UGCG: variants seen among roughly 807,000 people sequenced by gnomAD.
UGCG encodes the protein ceramide glucosyltransferase.
Under a neutral mutation model 49.5 loss-of-function variants are expected in UGCG, and 10 were observed. The observed-to-expected ratio is 0.20, with a 90% CI of 0.12 to 0.34. The LOEUF is 0.34. Ranked by LOEUF, UGCG falls within the 10% of genes least tolerant of loss-of-function variation. The pLI, the probability that UGCG is intolerant of heterozygous loss-of-function variation, is 1.00. For missense variants in UGCG, 312 were observed against 483.7 expected (o/e 0.65, Z 3.33); for synonymous variants, 182 against 158.2 (o/e 1.15, Z -1.13).
intron 2 of UGCG, among the ~76,000 whole-genome samples, chr9:111,922,252 C>G (rs1838240691): frequency 6.6e-6 from 1 of 152,098 alleles, no homozygotes; most frequent in Admixed American, 6.6e-5. Context: ...ATTTCAAGAT[C>G]GTAAATGTCC....
intron 6 of UGCG, 71 bp downstream of exon 6, chr9:111,929,749 C>T: frequency 6.5e-7 from 1 of 1,544,288 alleles, no homozygotes; most frequent in Non-Finnish European, 8.8e-7. Flanking sequence ...TTTGTTCAAC[C>T]TATAGATTAG....
chr9:111,906,324 C>G (rs1837881690), intron 1 of UGCG, among the ~76,000 whole-genome samples: 1 of 152,212 alleles, frequency 6.6e-6, no homozygotes, highest in South Asian at 2.1e-4. Context: ...CCCTCATTCC[C>G]CCTCCAGCAA....
Position 111,933,014 on chromosome 9 carries a change from GTATA to G in UGCG, c.*20_*23del. On this transcript the variant is annotated 3_prime_UTR_variant, in exon 9 of 9. Coordinates refer to ENST00000374279, the MANE Select transcript of UGCG (RefSeq NM_003358.3). ...GATGTATAACTACAGCTTTGTGACT[GTATA>G]TAAAGGAAAAAAGAGAAGTATTATA... 6.8e-7 allele frequency: 1 copy of G among 1,471,304 alleles called. No homozygotes were observed. Among genetic ancestry groups the G allele is most frequent in the Non-Finnish European group, 9.0e-7 (1 of 1,106,796 alleles). The allele number at this position is 1,471,304 out of a possible 1,614,324, so 91.1% of individuals were successfully genotyped here.
intron 1 of UGCG, among the ~76,000 whole-genome samples, chr9:111,901,604 G>A (rs150571542): frequency 3.9e-5 from 6 of 152,168 alleles, no homozygotes; most frequent in African/African-American, 1.4e-4. Flanking sequence ...TCGGTGATGG[G>A]ATGACCTGGG....
intron 1 of UGCG, among the ~76,000 whole-genome samples, chr9:111,907,214 A>G (rs901734410): frequency 2.6e-5 from 4 of 152,178 alleles, no homozygotes; most frequent in Non-Finnish European, 4.4e-5. Flanking sequence ...AAGTGTTCCA[A>G]ACATACTTTG....
At chr9:111,924,718 A>G in intron 3 of UGCG, 59 bp from the exon 4 acceptor site, 1 of 837,760 alleles carries the variant, frequency 1.2e-6, no homozygotes, top group Non-Finnish European at 1.8e-6. Context: ...GTATCTTTAT[A>G]CTATAAAATA....
intron 1 of UGCG, among the ~76,000 whole-genome samples, chr9:111,898,065 A>G (rs1016375328): frequency 6.7e-6 from 1 of 150,038 alleles, no homozygotes; most frequent in Admixed American, 6.7e-5. Context: ...TGTCCTCATG[A>G]GTCTTACATT....
At chr9:111,928,468 A>C (rs957488643) in intron 5 of UGCG, among the ~76,000 whole-genome samples, 1 of 152,178 alleles carries the variant, frequency 6.6e-6, no homozygotes, top group Non-Finnish European at 1.5e-5. Context: ...TCTGGAAGTC[A>C]CTCTGCCATA....
chr9:111,912,120 G>A (rs1838022539), intron 1 of UGCG, among the ~76,000 whole-genome samples: 1 of 147,142 alleles, frequency 6.8e-6, no homozygotes, highest in Admixed American at 6.8e-5. Context: ...TCTTTACCTG[G>A]TGGGTTTCAG....
intron 2 of UGCG, among the ~76,000 whole-genome samples, chr9:111,916,706 T>TC (rs1237970289): frequency 6.7e-6 from 1 of 150,194 alleles, no homozygotes; most frequent in Admixed American, 6.7e-5. Context: ...GCTCAAGCAA[T>TC]CCCCCCACCT....
At chr9:111,931,182 G>T in intron 6 of UGCG, 89 bp from the exon 7 acceptor site, 1 of 1,300,892 alleles carries the variant, frequency 7.7e-7, no homozygotes, top group African/African-American at 1.5e-5. Context: ...GCAGTTGCCT[G>T]GTCTTTATAA....
At chr9:111,932,637 A>C (rs1356255496) in intron 8 of UGCG, among the ~76,000 whole-genome samples, 190 bp from the exon 9 acceptor site, 1 of 152,248 alleles carries the variant, frequency 6.6e-6, no homozygotes, top group African/African-American at 2.4e-5. Context: ...TTAAGATAGC[A>C]GTTATTTTAA....
In UGCG at chr9:111,932,233, C is replaced by T. The variant is rs200321783; in HGVS notation, c.888C>T (p.Cys296=). The T allele has an allele frequency of 6.8e-6, 11 of 1,614,084 alleles. No individual in the cohort carries two copies. Among genetic ancestry groups the T allele is most frequent in the East Asian group, 2.2e-5 (1 of 44,884 alleles). ...TAATTTGTGAGCCAATTTCAGAATG[C>T]TTTGTTGCCAGTTTAATTATTGGAT... The part of the protein sequence containing the change: ...ATIICEPISE[C]FVASLIIGWA... Residue 296 remains cysteine, a synonymous_variant, in exon 8 of 9, where the codon TGC becomes TGT. Transcript: ENST00000374279.
At position 111,926,424 on chromosome 9, in the gene UGCG, A is replaced by G; in HGVS notation, c.486A>G (p.Thr162=). The part of the protein sequence containing the change: ...DTLTDMVNQM[T]EKVGLVHGLP... Reference sequence around the variant, plus strand: ...TTACTGACATGGTGAATCAAATGACAGAAAAAGTAGGCTTGGTTCACGGGC... The same window carrying G: ...TTACTGACATGGTGAATCAAATGACGGAAAAAGTAGGCTTGGTTCACGGGC... Residue 162 remains threonine (T), a synonymous_variant, in exon 5 of 9, where the codon ACA becomes ACG. Coordinates refer to ENST00000374279, the MANE Select transcript of UGCG (RefSeq NM_003358.3). The G allele has an allele frequency of 6.2e-7, 1 of 1,611,356 alleles. No individual in the cohort carries two copies. The highest frequency in any genetic ancestry group is 8.5e-7 in the Non-Finnish European group (1 of 1,178,166).
intron 1 of UGCG, among the ~76,000 whole-genome samples, chr9:111,909,656 G>A (rs1258604091): frequency 6.6e-6 from 1 of 152,246 alleles, no homozygotes; most frequent in Non-Finnish European, 1.5e-5. Flanking sequence ...ATGTTGTCCA[G>A]TAAGTGACTG....
intron 1 of UGCG, among the ~76,000 whole-genome samples, chr9:111,900,668 G>T (rs1055349173): frequency 6.6e-6 from 1 of 151,838 alleles, no homozygotes; most frequent in Non-Finnish European, 1.5e-5. Context: ...TAATTTTTGT[G>T]CTTTTTGTAG....
At chr9:111,922,825 T>G (rs1589526430) in intron 2 of UGCG, 24 bp from the exon 3 acceptor site, 5 of 1,539,160 alleles carry the variant, frequency 3.2e-6, no homozygotes, top group Non-Finnish European at 4.4e-6. Flanking sequence ...AGAATTTAAT[T>G]TACATACAAT....
intron 7 of UGCG, among the ~76,000 whole-genome samples, chr9:111,931,895 C>T (rs981222198): frequency 1.3e-5 from 2 of 151,800 alleles, no homozygotes; most frequent in African/African-American, 4.8e-5. Flanking sequence ...GGTGTGGTGG[C>T]GTGTACACCT....
intron 1 of UGCG, among the ~76,000 whole-genome samples, chr9:111,902,509 A>G (rs1837795148): frequency 6.6e-6 from 1 of 152,256 alleles, no homozygotes; most frequent in African/African-American, 2.4e-5. Context: ...AGTGATAACA[A>G]TAACAAAGGT....
Sources: allele counts gnomAD v4.1 joint callset (sites outside exome capture counted in the v4.1 genomes callset), GRCh38; gene constraint gnomAD v4.1.1; transcripts MANE v1.5; gene names NCBI Gene and HGNC (gene_info 2026-07-23, HGNC 2026-07-21).